The following ZC4H2 variants were observed in gnomAD, a reference collection of about 807,000 sequenced individuals.
ZC4H2 encodes the protein zinc finger C4H2 domain-containing protein.
For missense variants in ZC4H2, 137 were observed against 173.9 expected (o/e 0.79, Z 1.19); for synonymous variants, 84 against 66.3 (o/e 1.27, Z -1.30).
At chrX:64,918,698 C>T (rs1929040056) in intron 4 of ZC4H2, 2 of 159,904 alleles carry the variant, frequency 1.3e-5, no homozygotes, top group African/African-American at 6.1e-5. Context: ...ATATTTGTTC[C>T]AAATGCTCCT....
intron 1 of ZC4H2, among the ~76,000 whole-genome samples, chrX:64,997,211 G>GA (rs1435847061): frequency 3.6e-5 from 4 of 112,046 alleles, no homozygotes; most frequent in Non-Finnish European, 7.5e-5. Flanking sequence ...ATTGCTAAAA[G>GA]AAAAAATTGT....
At chrX:65,027,961 T>C (rs1932896304) in intron 1 of ZC4H2, among the ~76,000 whole-genome samples, 1 of 111,924 alleles carries the variant, frequency 8.9e-6, no homozygotes, top group African/African-American at 3.2e-5. Context: ...CTGGAAGAGC[T>C]GAAGAACTAC....
At chrX:64,955,902 A>T (rs1931136974) in intron 1 of ZC4H2, among the ~76,000 whole-genome samples, 1 of 111,873 alleles carries the variant, frequency 8.9e-6, no homozygotes, top group Admixed American at 9.5e-5. Context: ...CAGAAAGGGA[A>T]CATTGGTTCA....
intron 1 of ZC4H2, among the ~76,000 whole-genome samples, chrX:64,951,444 A>G (rs1009086663): frequency 1.8e-5 from 2 of 111,635 alleles, no homozygotes; most frequent in Non-Finnish European, 3.8e-5. Context: ...CTATTTCTCC[A>G]CATCCTCTCC....
intron 1 of ZC4H2, among the ~76,000 whole-genome samples, chrX:65,019,481 A>G (rs1319180102): frequency 8.9e-6 from 1 of 112,396 alleles, no homozygotes. Flanking sequence ...ACCAAAAGGA[A>G]TAGCATCAAC....
At chrX:65,006,269 T>C (rs1378270520) in intron 1 of ZC4H2, among the ~76,000 whole-genome samples, 1 of 111,781 alleles carries the variant, frequency 8.9e-6, no homozygotes, top group Non-Finnish European at 1.9e-5. Context: ...CGTATATTTA[T>C]TGCAGCACTA....
chrX:64,937,828 G>A (rs1930086830), intron 1 of ZC4H2, among the ~76,000 whole-genome samples: 1 of 111,634 alleles, frequency 9.0e-6, no homozygotes, highest in African/African-American at 3.3e-5. Context: ...ACAAGAGAAA[G>A]CAGAAAAGAT....
chrX:65,031,901 T>C (rs1031633802), intron 1 of ZC4H2, among the ~76,000 whole-genome samples: 4 of 112,554 alleles, frequency 3.6e-5, no homozygotes, highest in Admixed American at 9.4e-5. Context: ...CTGCCTCAAT[T>C]CTCAAGTGGA....
chrX:64,942,553 C>T lies in ZC4H2; in HGVS notation c.54-20565G>A, dbSNP rs6624746. Among the ~76,000 whole-genome samples the T allele has an allele frequency of 2.2e-4, 22 of 99,283 alleles. No individual in the cohort carries two copies. In the East Asian group the frequency reaches 6.7e-3, roughly 30 times the overall value. 86.2% of individuals were successfully genotyped at this position (99,283 alleles called of 115,157 possible). A position where few individuals can be genotyped will look rare whatever the true frequency, so the allele number is the denominator to read the frequency against. On this transcript the variant is annotated intron_variant, in intron 1 of 4. Transcript: ENST00000374839. ...GTGCCTGTATGTTCTCATTGTTCAA[C>T]TCCCACTTATGAGTGAGAATATGTG... is the stretch of plus-strand genomic sequence containing the variant.
At chrX:64,967,113 C>A (rs1931618882) in intron 1 of ZC4H2, among the ~76,000 whole-genome samples, 1 of 110,981 alleles carries the variant, frequency 9.0e-6, no homozygotes, top group African/African-American at 3.3e-5. Flanking sequence ...TTAAAGTTTG[C>A]TGATTAAGGC....
chrX:65,009,442 A>T (rs1223010379), intron 1 of ZC4H2, among the ~76,000 whole-genome samples: 1 of 111,919 alleles, frequency 8.9e-6, no homozygotes, highest in Admixed American at 9.5e-5. Flanking sequence ...CTAGGTGGGG[A>T]GACAGATTCG....
At chrX:65,014,050 TAGGTGAATG>T (rs1216422376) in intron 1 of ZC4H2, among the ~76,000 whole-genome samples, 10 of 110,901 alleles carry the variant, frequency 9.0e-5, no homozygotes, top group African/African-American at 3.3e-4. Context: ...AAATATTTCA[TAGGTGAATG>T]AGTTCCCCAT....
At chrX:65,004,649 G>A (rs1932619397) in intron 1 of ZC4H2, among the ~76,000 whole-genome samples, 1 of 112,057 alleles carries the variant, frequency 8.9e-6, no homozygotes, top group African/African-American at 3.2e-5. Flanking sequence ...AAAGCTGGAA[G>A]TATTCTCTTT....
chrX:64,917,945 G>A (rs1415079678), intron 4 of ZC4H2, 49 bp from the exon 5 acceptor site: 1 of 1,164,693 alleles, frequency 8.6e-7, no homozygotes, highest in South Asian at 1.9e-5. Context: ...ATTCTTCCAG[G>A]CAACAACTTA....
chrX:65,009,427 G>A (rs1241810522), intron 1 of ZC4H2, among the ~76,000 whole-genome samples: 1 of 111,888 alleles, frequency 8.9e-6, no homozygotes, highest in Non-Finnish European at 1.9e-5. Flanking sequence ...CAGTGCAACT[G>A]CTGTCTAGGT....
intron 1 of ZC4H2, among the ~76,000 whole-genome samples, chrX:64,968,558 A>G (rs1307309533): frequency 9.0e-6 from 1 of 111,536 alleles, no homozygotes; most frequent in Non-Finnish European, 1.9e-5. Context: ...AATCTGTGGA[A>G]TGTTTGGCCC....
chrX:65,021,598 G>T (rs1266882071), intron 1 of ZC4H2, among the ~76,000 whole-genome samples: 2 of 110,901 alleles, frequency 1.8e-5, no homozygotes, highest in Non-Finnish European at 3.8e-5. Context: ...TGACACCCTA[G>T]CATCGCAATG....
intron 1 of ZC4H2, among the ~76,000 whole-genome samples, chrX:64,975,825 G>T (rs1208650971): frequency 9.0e-6 from 1 of 110,888 alleles, no homozygotes; most frequent in Non-Finnish European, 1.9e-5. Context: ...ACGAGCGCGC[G>T]CCATTCTCCC....
chrX:65,028,777 C>T (rs920982438), intron 1 of ZC4H2, among the ~76,000 whole-genome samples: 1 of 111,701 alleles, frequency 9.0e-6, no homozygotes, highest in African/African-American at 3.3e-5. Context: ...CTGCCTTGGC[C>T]TCCCAAAGTG....
Sources: gnomAD v4.1 joint callset for allele counts (sites outside exome capture counted in the v4.1 genomes callset) on GRCh38, gnomAD v4.1.1 for gene constraint, MANE v1.5 for transcripts, NCBI Gene and HGNC (gene_info 2026-07-23, HGNC 2026-07-21) for gene names.